Variants in TTN observed in about 807,000 individuals in gnomAD.
The protein encoded by TTN is titin.
A neutral mutation model predicts 3,223.0 loss-of-function variants in TTN; 1,525 were observed. The observed-to-expected ratio is 0.47, with a 90% CI of 0.45 to 0.49. TTN has a LOEUF of 0.49. Among genes scored for constraint, TTN ranks in the 20% least tolerant of loss-of-function variants. The probability of loss-of-function intolerance (pLI) is 0.00; values close to 1 mark genes in which losing one functional copy is unlikely to be tolerated. For missense variants in TTN, 40,786 were observed against 43,424.0 expected (o/e 0.94, Z 5.40); for synonymous variants, 14,094 against 15,161.0 (o/e 0.93, Z 5.17).
chr2:178,538,417 G>T, intron 354 of TTN, 123 bp downstream of exon 354: 1 of 923,444 alleles, frequency 1.1e-6, no homozygotes, highest in Non-Finnish European at 1.6e-6. Flanking sequence ...GTGTGTACTT[G>T]CTTTTCTTTC....
At chr2:178,543,726 A>C (rs941515066) in intron 346 of TTN, 64 bp from the exon 347 acceptor site, 35 of 1,518,626 alleles carry the variant, frequency 2.3e-5, no homozygotes, top group Non-Finnish European at 3.0e-5. Context: ...TTCTTGGGGA[A>C]ATATAATCAA....
chr2:178,692,365 A>G (rs2072675013), intron 120 of TTN, 132 bp downstream of exon 120: 2 of 969,944 alleles, frequency 2.1e-6, no homozygotes, highest in African/African-American at 3.3e-5. Context: ...CCACAAATAA[A>G]TGAAATCAAT....
At chr2:178,787,591 G>A (rs1406171936) in intron 13 of TTN, among the ~76,000 whole-genome samples, 8 of 152,058 alleles carry the variant, frequency 5.3e-5, no homozygotes, top group Admixed American at 3.9e-4. Flanking sequence ...CTGCTATGAA[G>A]TAGTCAGCTT....
Position 178,652,655 on chromosome 2 carries a change from T to A in TTN, c.39041A>T (p.Lys13014Ile). 2 of 1,613,348 alleles carry A rather than the reference T, an allele frequency of 1.2e-6. No individual in the cohort carries two copies. Among genetic ancestry groups the A allele is most frequent in the Non-Finnish European group, 1.7e-6 (2 of 1,179,574 alleles). The stretch of plus-strand genomic sequence containing the variant: ...CGCTTAAACTCAATGACAAATACCT[T>A]TAACAGGTGGGACTTCAGGCTTTTT... Reference protein sequence around the residue: ...PPKKPEVPPVKVPEAPKEVVP... With the variant: ...PPKKPEVPPVIVPEAPKEVVP... The change falls in exon 201 of 363, where the codon AAA becomes ATA. Residue 13014 changes from lysine to isoleucine, a missense_variant and splice_region_variant. By Grantham distance (102) the Lys-to-Ile change is moderately radical (BLOSUM62 -3). Coordinates refer to ENST00000589042, the MANE Select transcript of TTN (RefSeq NM_001267550.2).
intron 336 of TTN, 123 bp from the exon 337 acceptor site, chr2:178,550,396 A>G: frequency 1.3e-6 from 1 of 758,762 alleles, no homozygotes; most frequent in Non-Finnish European, 2.0e-6. Context: ...TGTGCTACCA[A>G]AGCCTATTTT....
intron 354 of TTN, chr2:178,538,300 T>C (rs1692623905): frequency 2.1e-6 from 1 of 485,484 alleles, no homozygotes; most frequent in Non-Finnish European, 3.6e-6. Flanking sequence ...AAGAAACCAT[T>C]GCATTAGAGG....
Position 178,799,643 on chromosome 2 carries a change from G to A in TTN, c.758C>T (p.Thr253Ile), listed in dbSNP as rs945095401. Residue 253 changes from threonine to isoleucine, a missense_variant, in exon 6 of 363, where the codon ACA becomes ATA. Physicochemically the swap from Thr to Ile is moderately conservative, Grantham distance 89. Transcript: ENST00000589042. ...GAAGQQLPHK[T>I]PPRIPPKPKS... ...TGGCTTCGGAGGAATCCTGGGAGGT[G>A]TTTTATGTGGCAGCTGTTGCCCAGC... The A allele has an allele frequency of 6.2e-7, 1 of 1,614,020 alleles. No individual in the cohort carries two copies. Among genetic ancestry groups the A allele is most frequent in the Non-Finnish European group, 8.5e-7 (1 of 1,180,024 alleles).
rs747615650 is a variant in TTN at position 178,537,826 on chromosome 2, C to T, written c.99381G>A (p.Arg33127=). ...TGTACCATTTAATGTCAGGAAGAGG[C>T]CTTCCAACAATCTGGCATGAGAGTT... ...AAQLSCQIVG[R]PLPDIKWYRF... Residue 33127 remains arginine, a synonymous_variant, in exon 355 of 363, where the codon AGG becomes AGA. Transcript: ENST00000589042. 6.2e-7 allele frequency: 1 copy of T among 1,613,648 alleles called. No individual in the cohort carries two copies. Among genetic ancestry groups the T allele is most frequent in the South Asian group, 1.1e-5 (1 of 91,042 alleles).
intron 10 of TTN, 142 bp from the exon 11 acceptor site, chr2:178,790,987 T>G: frequency 9.7e-7 from 1 of 1,029,346 alleles, no homozygotes; most frequent in Admixed American, 2.2e-5. Flanking sequence ...GGCCTACACT[T>G]GTGCTTAATA....
rs1700119154 is a variant in TTN at position 178,553,391 on chromosome 2, G to A, written c.89509C>T (p.Pro29837Ser). Residue 29837 changes from proline to serine, a missense_variant, in exon 335 of 363, where the codon CCA (proline) becomes TCA (serine). Pro to Ser is a moderately conservative substitution (Grantham distance 74). Transcript: ENST00000589042. ...PVQAKDILEAPEIDLDVALRT... is the reference protein window; with the variant it reads ...PVQAKDILEASEIDLDVALRT... ...AGAGCCACATCCAGGTCAATCTCTG[G>A]TGCCTCTGTAGACATAAAATGGATA... 5 of 1,592,082 alleles carry A rather than the reference G, an allele frequency of 3.1e-6. No homozygotes were observed. Among genetic ancestry groups the A allele is most frequent in the East Asian group, 2.2e-5 (1 of 44,632 alleles).
intron 126 of TTN, 46 bp downstream of exon 126, chr2:178,688,631 G>C (rs753563773): frequency 1.5e-6 from 2 of 1,298,826 alleles, no homozygotes; most frequent in Admixed American, 3.4e-5. Flanking sequence ...GAGACTTTGA[G>C]GAAACACACA....
intron 133 of TTN, 71 bp downstream of exon 133, chr2:178,683,928 A>G (rs1560356350): frequency 2.6e-6 from 3 of 1,155,502 alleles, no homozygotes; most frequent in African/African-American, 1.6e-5. Context: ...AATGGAACCT[A>G]TTCCACTAGA....
rs1452766565 is a variant in TTN at position 178,741,507 on chromosome 2, A to G, written c.11726T>C (p.Ile3909Thr). Residue 3909 changes from isoleucine to threonine, a missense_variant, in exon 48 of 363, where the codon ATT (isoleucine) becomes ACT (threonine). Transcript: ENST00000589042. The stretch of plus-strand genomic sequence containing the variant: ...TTTGTGACCCTCTCCTTTGGAATTA[A>G]TTTTTAGATAGGCACTACATATTGT... ...GKTICSAYLK[I>T]NSKGEGHKDT... The G allele has an allele frequency of 7.4e-6, 12 of 1,613,828 alleles. No individual in the cohort carries two copies. Among genetic ancestry groups the G allele is most frequent in the Non-Finnish European group, 1.0e-5 (12 of 1,179,814 alleles).
chr2:178,632,537 A>AGGGT lies in TTN; in HGVS notation c.43468_43469insACCC (p.Leu14490HisfsTer5). 1.2e-6 allele frequency: 2 copies of AGGGT among 1,612,900 alleles called. No homozygotes were observed. The highest frequency in any genetic ancestry group is 1.7e-6 in the Non-Finnish European group (2 of 1,179,464). On this transcript the variant is annotated frameshift_variant, in exon 235 of 363. Coordinates refer to ENST00000589042, the MANE Select transcript of TTN (RefSeq NM_001267550.2). LOFTEE classifies it high-confidence loss of function. ...ATAAAACTATTTACCTTCAATGATCAGTTTGCCACTTGTGTGCTTATCTTC... is the reference window on the plus strand; with the variant it reads ...ATAAAACTATTTACCTTCAATGATCAGGGTGTTTGCCACTTGTGTGCTTATCTTC...
chr2:178,673,630 T>A lies in TTN; in HGVS notation c.34786+3A>T. The stretch of plus-strand genomic sequence containing the variant: ...AGATATTAATAATGAGGATTTGATA[T>A]ACCTTTAGCTGGTGGTGCCTCCACT... On this transcript the variant is annotated splice_donor_region_variant and intron_variant, in intron 152 of 362. Transcript: ENST00000589042. 6.3e-7 allele frequency: 1 copy of A among 1,575,978 alleles called. No individual in the cohort carries two copies. The highest frequency in any genetic ancestry group is 1.2e-5 in the South Asian group (1 of 82,010).
chr2:178,795,395 T>C (rs966522043), intron 6 of TTN, 143 bp from the exon 7 acceptor site: 3 of 729,454 alleles, frequency 4.1e-6, no homozygotes, highest in Admixed American at 4.3e-5. Context: ...GTAAATAATG[T>C]ACTTGGAAGT....
chr2:178,649,290 GTTCT>G lies in TTN; in HGVS notation c.40011_40014del (p.Lys13337AsnfsTer51). On this transcript the variant is annotated frameshift_variant, in exon 213 of 363. Transcript: ENST00000589042. LOFTEE classifies it high-confidence loss of function. ...TCTGGTTTTTTGGTAACAGGCACAG[GTTCT>G]TTCTTTACTGGAACAAGTTTCTTGG... is the stretch of plus-strand genomic sequence containing the variant. 2.7e-6 allele frequency: 4 copies of G among 1,482,798 alleles called. No individual in the cohort carries two copies. The highest frequency in any genetic ancestry group is 1.4e-5 in the South Asian group (1 of 72,348). The allele number at this position is 1,482,798 out of a possible 1,614,324, so 91.9% of individuals were successfully genotyped here.
chr2:178,712,042 A>G lies in TTN; in HGVS notation c.27788T>C (p.Val9263Ala). Residue 9263 changes from valine to alanine, a missense_variant, in exon 96 of 363, where the codon GTT becomes GCT. Physicochemically the swap from Val to Ala is moderately conservative, Grantham distance 64. Transcript: ENST00000589042. ...ATCATTAATATCAACCTGGTTGAAAACCAGTGTAGCAACATTATTCCTAAA... is the reference window on the plus strand; with the variant it reads ...ATCATTAATATCAACCTGGTTGAAAGCCAGTGTAGCAACATTATTCCTAAA... The part of the protein sequence containing the change: ...MHFRNNVATL[V>A]FNQVDINDSG... The G allele has an allele frequency of 6.2e-7, 1 of 1,613,786 alleles. No individual in the cohort carries two copies. The highest frequency in any genetic ancestry group is 1.1e-5 in the South Asian group (1 of 91,068).
chr2:178,531,578 G>T lies in TTN; in HGVS notation c.105037C>A (p.Arg35013Ser), dbSNP rs568460311. Residue 35013 changes from arginine to serine, a missense_variant, in exon 358 of 363, where the codon CGT (arginine) becomes AGT (serine). By Grantham distance (110) the Arg-to-Ser change is moderately radical (BLOSUM62 -1). Coordinates refer to ENST00000589042, the MANE Select transcript of TTN (RefSeq NM_001267550.2). ...DCHTDDSGTYRAVCTNYKGEA... is the reference protein window; with the variant it reads ...DCHTDDSGTYSAVCTNYKGEA... Reference sequence around the variant, plus strand: ...CCCTTGTAGTTGGTGCACACAGCACGGTAGGTTCCACTGTCATCAGTATGA... The same window carrying T: ...CCCTTGTAGTTGGTGCACACAGCACTGTAGGTTCCACTGTCATCAGTATGA... The T allele has an allele frequency of 1.2e-6, 2 of 1,613,936 alleles. No individual in the cohort carries two copies. Among genetic ancestry groups the T allele is most frequent in the South Asian group, 2.2e-5 (2 of 91,080 alleles).
Sources: allele counts gnomAD v4.1 joint callset (sites outside exome capture counted in the v4.1 genomes callset), GRCh38; gene constraint gnomAD v4.1.1; transcripts MANE v1.5; gene names NCBI Gene and HGNC (gene_info 2026-07-23, HGNC 2026-07-21).